PLXDC2: variants seen among roughly 807,000 people sequenced by gnomAD.
The protein encoded by PLXDC2 is plexin domain-containing protein 2.
A neutral mutation model predicts 68.9 loss-of-function variants in PLXDC2; 40 were observed. The observed-to-expected ratio is 0.58, with a 90% CI of 0.45 to 0.76. The LOEUF is 0.76. Ranked by LOEUF, PLXDC2 falls within the 30% of genes least tolerant of loss-of-function variation. The pLI, the probability that PLXDC2 is intolerant of heterozygous loss-of-function variation, is 0.00. For missense variants in PLXDC2, 644 were observed against 661.9 expected (o/e 0.97, Z 0.30); for synonymous variants, 243 against 234.2 (o/e 1.04, Z -0.34).
intron 2 of PLXDC2, among the ~76,000 whole-genome samples, chr10:20,041,723 C>T (rs7070397): frequency 0.84 from 127,087 of 152,104 alleles, 53,411 homozygotes; most frequent in African/African-American, 0.9. Context: ...AACAGAAATA[C>T]TTTTTCTCCC....
chr10:20,231,073 A>G (rs1234176979), intron 12 of PLXDC2, among the ~76,000 whole-genome samples: 1 of 151,844 alleles, frequency 6.6e-6, no homozygotes, highest in African/African-American at 2.4e-5. Context: ...AGATATGTTA[A>G]TTACCTTGGT....
At chr10:19,855,873 CAG>C (rs1837201857) in intron 1 of PLXDC2, among the ~76,000 whole-genome samples, 1 of 152,106 alleles carries the variant, frequency 6.6e-6, no homozygotes, top group Non-Finnish European at 1.5e-5. Context: ...ATCATGAAGT[CAG>C]GAGATCAAGA....
intron 1 of PLXDC2, among the ~76,000 whole-genome samples, chr10:19,965,718 T>TTG (rs758553628): frequency 0.01 from 1,387 of 135,440 alleles, 10 homozygotes; most frequent in Middle Eastern, 0.026. Flanking sequence ...CAGTTTTTTT[T>TTG]GGGGGGGGGG....
intron 13 of PLXDC2, among the ~76,000 whole-genome samples, chr10:20,268,052 C>T (rs1835893491): frequency 6.6e-6 from 1 of 152,112 alleles, no homozygotes; most frequent in East Asian, 1.9e-4. Flanking sequence ...TGATTAAACA[C>T]TGTTATTAGT....
intron 1 of PLXDC2, among the ~76,000 whole-genome samples, chr10:19,935,250 C>A (rs904769113): frequency 6.6e-6 from 1 of 152,180 alleles, no homozygotes; most frequent in South Asian, 2.1e-4. Context: ...CCATCAGCCA[C>A]GTGCTTCTGC....
intron 2 of PLXDC2, among the ~76,000 whole-genome samples, chr10:20,044,222 TTTCTTTCTTTCTTTCTTTCTTTC>T (rs1835746405): frequency 3.4e-5 from 1 of 29,584 alleles, no homozygotes; most frequent in East Asian, 2.0e-3. Context: ...TCTTTCTTTC[TTTCTTTCTTTCTTTCTTTCTTTC>T]TTTCTTTCTT....
intron 1 of PLXDC2, among the ~76,000 whole-genome samples, chr10:19,976,746 C>A (rs1396567956): frequency 4.0e-5 from 6 of 151,856 alleles, no homozygotes; most frequent in African/African-American, 1.5e-4. Flanking sequence ...TTTACTTGTT[C>A]TCTCCCTTTT....
At chr10:19,860,431 G>A (rs538531326) in intron 1 of PLXDC2, among the ~76,000 whole-genome samples, 77 of 152,264 alleles carry the variant, frequency 5.1e-4, no homozygotes, top group African/African-American at 7.2e-4. Context: ...ATGAATGAGC[G>A]AAAGAAATCA....
At position 19,973,369 on chromosome 10, in the gene PLXDC2, CAT is replaced by C. The variant is rs796333258; in HGVS notation, c.113-28399_113-28398del. Among the ~76,000 whole-genome samples, 247 of 71,160 alleles carry C rather than the reference CAT, an allele frequency of 3.5e-3. 2 individuals are homozygous for C. The South Asian group carries it at 0.051, about 15-fold the overall frequency. 46.7% of individuals were successfully genotyped at this position (71,160 alleles called of 152,430 possible). Reference sequence around the variant, plus strand: ...ATGTATACTCACATATATATGTATACATATATATGTGAATATATATACTCATT... The same window carrying C: ...ATGTATACTCACATATATATGTATACATATATGTGAATATATATACTCATT... On this transcript the variant is annotated intron_variant, in intron 1 of 13. Coordinates refer to ENST00000377252, the MANE Select transcript of PLXDC2 (RefSeq NM_032812.9).
rs867062415 is a variant in PLXDC2 at position 20,044,243 on chromosome 10, T to G, written c.325-2626T>G. ...TTTCTTTCTTTCTTTCTTTCTTTCTTTCTTTCTTTCTTTCTTTCTTTCTTT... is the reference window on the plus strand; with the variant it reads ...TTTCTTTCTTTCTTTCTTTCTTTCTGTCTTTCTTTCTTTCTTTCTTTCTTT... On this transcript the variant is annotated intron_variant, in intron 2 of 13. Coordinates refer to ENST00000377252, the MANE Select transcript of PLXDC2 (RefSeq NM_032812.9). 6.1e-5 allele frequency among the ~76,000 whole-genome samples: 7 copies of G among 114,220 alleles called. No homozygotes were observed. In the South Asian group the frequency reaches 8.5e-4, roughly 14 times the overall value. 74.9% of individuals were successfully genotyped at this position (114,220 alleles called of 152,430 possible).
At chr10:19,820,553 G>C (rs964455704) in intron 1 of PLXDC2, among the ~76,000 whole-genome samples, 12 of 150,762 alleles carry the variant, frequency 8.0e-5, no homozygotes, top group Non-Finnish European at 1.8e-4. Flanking sequence ...AGAATGGCGG[G>C]AACCCGGGAA....
intron 1 of PLXDC2, among the ~76,000 whole-genome samples, chr10:19,862,732 G>A (rs547472059): frequency 2.0e-5 from 3 of 152,148 alleles, no homozygotes; most frequent in Non-Finnish European, 2.9e-5. Context: ...CGGAAAAATG[G>A]AAGTAAATGG....
intron 4 of PLXDC2, among the ~76,000 whole-genome samples, chr10:20,122,064 G>C (rs866628115): frequency 3.3e-5 from 5 of 151,776 alleles, no homozygotes; most frequent in Non-Finnish European, 7.4e-5. Flanking sequence ...TGGGAAGAAG[G>C]GCAGCCATGA....
chr10:20,103,170 G>C (rs1833444847), intron 4 of PLXDC2, among the ~76,000 whole-genome samples: 1 of 151,834 alleles, frequency 6.6e-6, no homozygotes, highest in Admixed American at 6.6e-5. Flanking sequence ...TACTTTTAGG[G>C]GCCCCCAAAA....
chr10:20,177,206 G>T, intron 8 of PLXDC2, 112 bp downstream of exon 8: 1 of 1,301,662 alleles, frequency 7.7e-7, no homozygotes, highest in Non-Finnish European at 1.1e-6. Context: ...ATTGTGTTTG[G>T]CATGCATGGG....
At chr10:20,164,439 A>G (rs1249513999) in intron 6 of PLXDC2, 29 bp from the exon 7 acceptor site, 1 of 1,543,020 alleles carries the variant, frequency 6.5e-7, no homozygotes. Context: ...CAGATCTAAC[A>G]TATAGTTACC....
intron 7 of PLXDC2, among the ~76,000 whole-genome samples, chr10:20,165,079 T>C (rs1447566349): frequency 6.6e-6 from 1 of 152,124 alleles, no homozygotes; most frequent in Non-Finnish European, 1.5e-5. Context: ...TGCCTCAGCC[T>C]CCCAAAGTGC....
chr10:20,053,387 G>A (rs7923873), intron 3 of PLXDC2, among the ~76,000 whole-genome samples: 40,559 of 152,000 alleles, frequency 0.27, 7,032 homozygotes, highest in African/African-American at 0.49. Flanking sequence ...AATTGGTATG[G>A]GTTCCTACCA....
At chr10:19,885,787 T>C (rs564587399) in intron 1 of PLXDC2, among the ~76,000 whole-genome samples, 4 of 152,334 alleles carry the variant, frequency 2.6e-5, no homozygotes, top group Non-Finnish European at 5.9e-5. Flanking sequence ...TCAGGTAGCA[T>C]GATGCCTCCA....
Sources: gnomAD v4.1 joint callset for allele counts (sites outside exome capture counted in the v4.1 genomes callset) on GRCh38, gnomAD v4.1.1 for gene constraint, MANE v1.5 for transcripts, NCBI Gene and HGNC (gene_info 2026-07-23, HGNC 2026-07-21) for gene names.